Variants in SPEF2 observed in about 807,000 individuals in gnomAD.
SPEF2 encodes the protein sperm flagella and cilia-associated protein 2.
SPEF2 carries 187 observed loss-of-function variants against 224.6 expected under a neutral mutation model. The ratio of observed to expected loss-of-function variants is 0.83; its 90% CI spans 0.74 to 0.94. The LOEUF (loss-of-function observed/expected upper bound fraction) is 0.94, where lower values mean the gene tolerates loss of function less well. Ranked by LOEUF, SPEF2 falls within the 40% of genes least tolerant of loss-of-function variation. The probability of loss-of-function intolerance (pLI) is 0.00; values close to 1 mark genes in which losing one functional copy is unlikely to be tolerated. For synonymous variants in SPEF2, 715 were observed against 707.3 expected (o/e 1.01, Z -0.17); for missense variants, 2,170 against 2,135.6 (o/e 1.02, Z -0.32).
At chr5:35,627,899 T>C (rs574580273) in intron 1 of SPEF2, among the ~76,000 whole-genome samples, 2 of 152,254 alleles carry the variant, frequency 1.3e-5, no homozygotes, top group South Asian at 2.1e-4. Context: ...AGTAATTGCA[T>C]AGGACAATAA....
At chr5:35,635,977 G>A (rs910705878) in intron 2 of SPEF2, among the ~76,000 whole-genome samples, 2 of 151,728 alleles carry the variant, frequency 1.3e-5, no homozygotes, top group Admixed American at 1.3e-4. Context: ...TTTTCCTTGT[G>A]TATAGGTCAT....
chr5:35,759,341 TA>T (rs1228408850), intron 24 of SPEF2, among the ~76,000 whole-genome samples: 2 of 152,198 alleles, frequency 1.3e-5, no homozygotes, highest in Non-Finnish European at 2.9e-5. Flanking sequence ...GTCATTTTGT[TA>T]AATAGAATCA....
At chr5:35,753,830 A>G in intron 24 of SPEF2, 69 bp downstream of exon 24, 3 of 1,584,774 alleles carry the variant, frequency 1.9e-6, no homozygotes, top group Non-Finnish European at 2.6e-6. Context: ...CCTTCATATG[A>G]CACTTTCTTG....
intron 2 of SPEF2, 107 bp from the exon 3 acceptor site, chr5:35,641,324 G>A (rs1746591261): frequency 7.0e-6 from 9 of 1,281,690 alleles, no homozygotes; most frequent in Admixed American, 2.3e-5. Context: ...CAGCTAAAAG[G>A]ACATGAAATA....
chr5:35,802,025 G>A (rs1257601619), intron 34 of SPEF2, among the ~76,000 whole-genome samples: 1 of 152,186 alleles, frequency 6.6e-6, no homozygotes, highest in Non-Finnish European at 1.5e-5. Flanking sequence ...CTCCTGAAGG[G>A]ACTCTAATTG....
chr5:35,742,474 G>A (rs948375624), intron 23 of SPEF2, among the ~76,000 whole-genome samples: 1 of 151,794 alleles, frequency 6.6e-6, no homozygotes, highest in Non-Finnish European at 1.5e-5. Flanking sequence ...TATCAGATTT[G>A]TATATTTTAA....
chr5:35,743,829 A>G (rs1053278158), intron 23 of SPEF2, among the ~76,000 whole-genome samples: 2 of 152,196 alleles, frequency 1.3e-5, no homozygotes, highest in African/African-American at 4.8e-5. Flanking sequence ...AGGCAGCAAC[A>G]GTAATAGCTA....
Position 35,715,914 on chromosome 5 carries a change from G to A in SPEF2, c.2914+3028G>A, listed in dbSNP as rs116494553. Among the ~76,000 whole-genome samples the A allele has an allele frequency of 4.7e-3, 670 of 143,322 alleles. 5 individuals are homozygous for A. The highest frequency in any genetic ancestry group is 0.017 in the African/African-American group (653 of 38,752). 94.0% of individuals were successfully genotyped at this position (143,322 alleles called of 152,430 possible). A position where few individuals can be genotyped will look rare whatever the true frequency, so the allele number is the denominator to read the frequency against. On this transcript the variant is annotated intron_variant, in intron 20 of 36. Transcript: ENST00000356031. Reference sequence around the variant, plus strand: ...GAAAGAAAATCCCAGGCTCTAAAAAGCGTATCAGTTAGATTCATATTGAAG... The same window carrying A: ...GAAAGAAAATCCCAGGCTCTAAAAAACGTATCAGTTAGATTCATATTGAAG...
In SPEF2 at chr5:35,644,541, T is replaced by G. The variant is rs781598994; in HGVS notation, c.585+16T>G. 6.4e-7 allele frequency: 1 copy of G among 1,573,024 alleles called. No individual in the cohort carries two copies. Among genetic ancestry groups the G allele is most frequent in the Non-Finnish European group, 8.6e-7 (1 of 1,161,634 alleles). ...TATTGAAAAGGTTCTATAGAACTAT[T>G]TTTTCAGAAATTCATTAGTGCATAG... On this transcript the variant is annotated intron_variant, in intron 4 of 36. Transcript: ENST00000356031.
intron 4 of SPEF2, among the ~76,000 whole-genome samples, chr5:35,646,186 T>C (rs934128476): frequency 2.6e-5 from 4 of 152,156 alleles, no homozygotes; most frequent in African/African-American, 7.2e-5. Flanking sequence ...GCCCCTGAAC[T>C]CATTGTTTAA....
chr5:35,676,681 A>G (rs1752069468), intron 10 of SPEF2, among the ~76,000 whole-genome samples: 1 of 152,110 alleles, frequency 6.6e-6, no homozygotes, highest in African/African-American at 2.4e-5. Context: ...GTGAGCCAAG[A>G]TCGTGCCACT....
intron 6 of SPEF2, among the ~76,000 whole-genome samples, chr5:35,652,067 A>G (rs1748271296): frequency 6.6e-6 from 1 of 152,212 alleles, no homozygotes; most frequent in African/African-American, 2.4e-5. Flanking sequence ...GGTTTCTGCT[A>G]CTAATAGATT....
intron 1 of SPEF2, among the ~76,000 whole-genome samples, chr5:35,620,536 A>G (rs1333676208): frequency 6.6e-6 from 1 of 152,210 alleles, no homozygotes; most frequent in Non-Finnish European, 1.5e-5. Flanking sequence ...TCTATCAAAT[A>G]AAAATAAAAG....
chr5:35,720,299 A>G (rs879776498), intron 20 of SPEF2, among the ~76,000 whole-genome samples: 2 of 152,198 alleles, frequency 1.3e-5, no homozygotes, highest in Non-Finnish European at 2.9e-5. Flanking sequence ...CTGAAAAACA[A>G]AATAAGGATC....
Position 35,618,008 on chromosome 5 carries a change from TC to T in SPEF2, c.13del (p.Leu5CysfsTer9), listed in dbSNP as rs1391102782. The T allele has an allele frequency of 2.5e-6, 4 of 1,583,930 alleles. No individual in the cohort carries two copies. In the East Asian group the frequency reaches 9.2e-5, roughly 36 times the overall value. On this transcript the variant is annotated frameshift_variant, in exon 1 of 37. Transcript: ENST00000356031. LOFTEE classifies it high-confidence loss of function. MSE[I>X]LCQWLNKELK... is the part of the protein sequence containing the mutation. ...GGCACCGGCTGAACCATGTCGGAGA[TC>T]CTGTGCCAGTGGCTCAACAAGGAGT...
intron 10 of SPEF2, among the ~76,000 whole-genome samples, chr5:35,687,790 C>A (rs1753856296): frequency 6.6e-6 from 1 of 152,032 alleles, no homozygotes; most frequent in East Asian, 1.9e-4. Context: ...AATTTTGAAC[C>A]TTTTTATCTC....
chr5:35,791,647 T>G (rs1370703037), intron 30 of SPEF2: 1 of 152,156 alleles, frequency 6.6e-6, no homozygotes, highest in Non-Finnish European at 1.5e-5. Flanking sequence ...TTCTTATTTA[T>G]TTCTTAATGC....
intron 10 of SPEF2, chr5:35,675,645 A>T (rs1751885309): frequency 5.1e-6 from 1 of 197,896 alleles, no homozygotes; most frequent in African/African-American, 2.3e-5. Flanking sequence ...CCCAGTAGCC[A>T]GGACTACAGG....
At chr5:35,684,202 T>A (rs1290715840) in intron 10 of SPEF2, among the ~76,000 whole-genome samples, 1 of 152,220 alleles carries the variant, frequency 6.6e-6, no homozygotes. Flanking sequence ...CTAATAACCA[T>A]CATTCTAGTC....
Sources: gnomAD v4.1 joint callset for allele counts (sites outside exome capture counted in the v4.1 genomes callset) on GRCh38, gnomAD v4.1.1 for gene constraint, MANE v1.5 for transcripts, NCBI Gene and HGNC (gene_info 2026-07-23, HGNC 2026-07-21) for gene names.